The following DCC variants were observed in gnomAD, a reference collection of about 807,000 sequenced individuals.
DCC encodes DCC netrin 1 receptor.
DCC carries 58 observed loss-of-function variants against 172.5 expected under a neutral mutation model. The observed-to-expected ratio is 0.34, with a 90% CI of 0.27 to 0.42. DCC has a LOEUF of 0.42. Ranked by LOEUF, DCC falls within the 10% of genes least tolerant of loss-of-function variation. The probability of loss-of-function intolerance (pLI) is 1.00; values close to 1 mark genes in which losing one functional copy is unlikely to be tolerated. For synonymous variants in DCC, 709 were observed against 644.5 expected, an observed-to-expected ratio of 1.10 and a Z score of -1.52; for missense variants, 1,740 against 1,791.0, an observed-to-expected ratio of 0.97 and a Z score of 0.51.
intron 22 of DCC, among the ~76,000 whole-genome samples, chr18:53,449,610 G>T (rs1397622061): frequency 6.6e-6 from 1 of 152,160 alleles, no homozygotes; most frequent in Non-Finnish European, 1.5e-5. Flanking sequence ...GTCTTTTACA[G>T]CATCAAATAG....
intron 1 of DCC, among the ~76,000 whole-genome samples, chr18:52,409,849 G>A (rs1300336053): frequency 6.6e-6 from 1 of 152,150 alleles, no homozygotes; most frequent in Non-Finnish European, 1.5e-5. Context: ...TTATTTTGCA[G>A]TTGGAGAAAC....
At chr18:52,476,221 T>A (rs562534539) in intron 1 of DCC, among the ~76,000 whole-genome samples, 5 of 152,292 alleles carry the variant, frequency 3.3e-5, no homozygotes, top group Admixed American at 3.3e-4. Context: ...TTATATTCCA[T>A]AAATGTGGCC....
At chr18:52,796,411 G>A (rs569264993) in intron 2 of DCC, among the ~76,000 whole-genome samples, 1 of 151,910 alleles carries the variant, frequency 6.6e-6, no homozygotes, top group African/African-American at 2.4e-5. Flanking sequence ...CTACCAGTGA[G>A]TTTTATACTT....
chr18:52,816,104 CTAT>C (rs1359366660), intron 2 of DCC, among the ~76,000 whole-genome samples: 3 of 152,142 alleles, frequency 2.0e-5, no homozygotes, highest in African/African-American at 4.8e-5. Context: ...TAGGGAGATA[CTAT>C]TATTAATCCC....
intron 1 of DCC, among the ~76,000 whole-genome samples, chr18:52,510,155 G>T (rs533325366): frequency 1.3e-5 from 2 of 151,910 alleles, no homozygotes; most frequent in East Asian, 3.9e-4. Context: ...GCATGACTGG[G>T]CTTCTGACTT....
intron 3 of DCC, among the ~76,000 whole-genome samples, chr18:52,923,396 G>C (rs1255024855): frequency 6.6e-6 from 1 of 152,064 alleles, no homozygotes; most frequent in Non-Finnish European, 1.5e-5. Flanking sequence ...ATAACATTTA[G>C]AAAAGCTATT....
intron 1 of DCC, among the ~76,000 whole-genome samples, chr18:52,418,982 T>A (rs1344351935): frequency 2.0e-5 from 3 of 149,102 alleles, no homozygotes; most frequent in African/African-American, 7.4e-5. Context: ...TGCCTCAGCC[T>A]CCCCAGTAGC....
intron 22 of DCC, among the ~76,000 whole-genome samples, chr18:53,445,184 G>A (rs1451285525): frequency 6.6e-6 from 1 of 152,108 alleles, no homozygotes; most frequent in Non-Finnish European, 1.5e-5. Context: ...ATTGATTACA[G>A]CATCTTATTT....
At chr18:53,524,871 G>A (rs1463544854) in intron 27 of DCC, among the ~76,000 whole-genome samples, 3 of 151,974 alleles carry the variant, frequency 2.0e-5, no homozygotes, top group African/African-American at 7.2e-5. Flanking sequence ...ACTTAGGCAA[G>A]TTACTTATTT....
At chr18:53,267,176 A>C (rs1157666607) in intron 12 of DCC, among the ~76,000 whole-genome samples, 1 of 151,878 alleles carries the variant, frequency 6.6e-6, no homozygotes, top group African/African-American at 2.4e-5. Flanking sequence ...ACAGAGACAG[A>C]GAGACAGAGA....
intron 1 of DCC, among the ~76,000 whole-genome samples, chr18:52,663,823 A>G (rs1841302): frequency 0.13 from 19,779 of 152,046 alleles, 1,659 homozygotes; most frequent in Admixed American, 0.24. Flanking sequence ...AAGAATTGAT[A>G]TGAGTTGAGA....
At chr18:53,498,561 GAA>G in intron 26 of DCC, among the ~76,000 whole-genome samples, 2 of 139,806 alleles carry the variant, frequency 1.4e-5, no homozygotes, top group African/African-American at 5.3e-5. Flanking sequence ...GTGTTCTCTG[GAA>G]AAAAAAAAAA....
chr18:52,494,263 GA>G (rs2030648246), intron 1 of DCC, among the ~76,000 whole-genome samples: 1 of 61,614 alleles, frequency 1.6e-5, no homozygotes, highest in Non-Finnish European at 3.4e-5. Context: ...TATGGTTTGT[GA>G]TGTGTGTGTG....
chr18:52,696,139 T>C (rs1343266330), intron 1 of DCC, among the ~76,000 whole-genome samples: 1 of 152,188 alleles, frequency 6.6e-6, no homozygotes, highest in Non-Finnish European at 1.5e-5. Context: ...TAAAACAATT[T>C]TCAGAATTTA....
At chr18:52,785,728 A>T (rs1415393074) in intron 2 of DCC, among the ~76,000 whole-genome samples, 1 of 152,076 alleles carries the variant, frequency 6.6e-6, no homozygotes, top group African/African-American at 2.4e-5. Flanking sequence ...TTTTTTGAAT[A>T]AGTGGCATTG....
chr18:53,145,239 T>G (rs1039874747), intron 7 of DCC, among the ~76,000 whole-genome samples: 3 of 147,078 alleles, frequency 2.0e-5, no homozygotes, highest in Admixed American at 1.4e-4. Context: ...TCAGCCTCCC[T>G]AGTAGCTGGG....
At chr18:53,396,790 A>G (rs1011035014) in intron 17 of DCC, among the ~76,000 whole-genome samples, 11 of 152,212 alleles carry the variant, frequency 7.2e-5, no homozygotes, top group African/African-American at 2.7e-4. Context: ...AAAATATACA[A>G]CATTAAAACT....
rs5824990 is a variant in DCC at position 53,148,865 on chromosome 18, C to CTTTTTTTTTTTTTTT, written c.1262-8488_1262-8474dup. ...AAACTAGCTCAGAACTTCCCAATGCCTTTTTTTTTTTTTTTTTGGACAAAG... is the reference window on the plus strand; with the variant it reads ...AAACTAGCTCAGAACTTCCCAATGCCTTTTTTTTTTTTTTTTTTTTTTTTTTTTTTTTGGACAAAG... On this transcript the variant is annotated intron_variant, in intron 7 of 28. Transcript: ENST00000442544. Among the ~76,000 whole-genome samples the CTTTTTTTTTTTTTTT allele has an allele frequency of 1.5e-4, 17 of 109,772 alleles. 3 individuals carry two copies. Among genetic ancestry groups the CTTTTTTTTTTTTTTT allele is most frequent in the African/African-American group, 1.9e-4 (5 of 26,714 alleles). 72.0% of individuals were successfully genotyped at this position (109,772 alleles called of 152,430 possible).
At chr18:52,420,239 G>T (rs1987201553) in intron 1 of DCC, among the ~76,000 whole-genome samples, 1 of 152,198 alleles carries the variant, frequency 6.6e-6, no homozygotes, top group Non-Finnish European at 1.5e-5. Flanking sequence ...GCAAGGCTCA[G>T]AGCTGGCACA....
Sources: gnomAD v4.1 joint callset for allele counts (sites outside exome capture counted in the v4.1 genomes callset) on GRCh38, gnomAD v4.1.1 for gene constraint, MANE v1.5 for transcripts, NCBI Gene and HGNC (gene_info 2026-07-23, HGNC 2026-07-21) for gene names.